Variants in SLC7A2 observed in about 807,000 individuals in gnomAD.
SLC7A2 encodes the protein solute carrier family 7 member 2, also known as cationic amino acid transporter 2.
SLC7A2 carries 48 observed loss-of-function variants against 58.9 expected under a neutral mutation model. That is an observed-to-expected ratio of 0.82 (90% CI 0.65 to 1.04). The LOEUF is 1.04. Among genes scored for constraint, SLC7A2 ranks in the 50% least tolerant of loss-of-function variants. The pLI, the probability that SLC7A2 is intolerant of heterozygous loss-of-function variation, is 0.00. For synonymous variants in SLC7A2, 363 were observed against 314.5 expected, an observed-to-expected ratio of 1.15 and a Z score of -1.63; for missense variants, 1,029 against 818.8, an observed-to-expected ratio of 1.26 and a Z score of -3.13.
At chr8:17,558,245 G>T (rs1477889425) in intron 8 of SLC7A2, 50 bp from the exon 9 acceptor site, 1 of 1,207,588 alleles carries the variant, frequency 8.3e-7, no homozygotes, top group Non-Finnish European at 1.2e-6. Context: ...TAACTGTATG[G>T]AATTTCCTCC....
Position 17,548,847 on chromosome 8 carries a change from A to C in SLC7A2, c.698+4A>C. On this transcript the variant is annotated splice_donor_region_variant and intron_variant, in intron 5 of 12. Transcript: ENST00000494857. ...AAAATATATCAGCAAGTGCCAGGTAAAATATTTGAGGTTTTTTTTTTTCTC... is the reference window on the plus strand; with the variant it reads ...AAAATATATCAGCAAGTGCCAGGTACAATATTTGAGGTTTTTTTTTTTCTC... The C allele has an allele frequency of 6.6e-7, 1 of 1,506,674 alleles. No individual in the cohort carries two copies. Among genetic ancestry groups the C allele is most frequent in the Non-Finnish European group, 8.8e-7 (1 of 1,138,506 alleles). The allele number at this position is 1,506,674 out of a possible 1,614,324, so 93.3% of individuals were successfully genotyped here.
chr8:17,515,737 C>T (rs762812188), intron 2 of SLC7A2, among the ~76,000 whole-genome samples: 5 of 152,100 alleles, frequency 3.3e-5, no homozygotes, highest in Non-Finnish European at 7.3e-5. Context: ...ACTTTTCAGC[C>T]ACAAAATAAA....
At chr8:17,511,764 A>G (rs1800614500) in intron 2 of SLC7A2, among the ~76,000 whole-genome samples, 1 of 152,178 alleles carries the variant, frequency 6.6e-6, no homozygotes, top group South Asian at 2.1e-4. Context: ...ACAATTCTAA[A>G]CAAAAACCTT....
chr8:17,518,527 T>TTCA (rs145763423), intron 2 of SLC7A2, among the ~76,000 whole-genome samples: 1,803 of 152,342 alleles, frequency 0.012, 36 homozygotes, highest in African/African-American at 0.04. Context: ...CAGCCTAGTG[T>TTCA]TCATCATGGG....
intron 2 of SLC7A2, among the ~76,000 whole-genome samples, chr8:17,542,376 C>T (rs750269892): frequency 3.9e-5 from 6 of 152,128 alleles, no homozygotes; most frequent in Non-Finnish European, 8.8e-5. Flanking sequence ...CTGGGCCAGG[C>T]ATGGTGGTTC....
intron 2 of SLC7A2, among the ~76,000 whole-genome samples, chr8:17,523,888 T>C (rs1441514395): frequency 6.6e-6 from 1 of 150,616 alleles, no homozygotes; most frequent in African/African-American, 2.4e-5. Context: ...ATATCCAGAA[T>C]CTACAAAGAA....
In SLC7A2 at chr8:17,544,622, A is replaced by T; in HGVS notation, c.532+16A>T. 1 of 1,611,896 alleles carries T rather than the reference A, an allele frequency of 6.2e-7. No homozygotes were observed. The highest frequency in any genetic ancestry group is 8.5e-7 in the Non-Finnish European group (1 of 1,178,506). On this transcript the variant is annotated intron_variant, in intron 4 of 12. Coordinates refer to ENST00000494857, the MANE Select transcript of SLC7A2 (RefSeq NM_001370338.1). Reference sequence around the variant, plus strand: ...CTTCTAGCAGGTAAGAAAACCAGTTATGAGTCTCTGCAGAATGAGCCACAC... The same window carrying T: ...CTTCTAGCAGGTAAGAAAACCAGTTTTGAGTCTCTGCAGAATGAGCCACAC...
chr8:17,540,360 T>C (rs530651012), intron 2 of SLC7A2, among the ~76,000 whole-genome samples: 1 of 152,190 alleles, frequency 6.6e-6, no homozygotes, highest in Non-Finnish European at 1.5e-5. Flanking sequence ...GTTTTTCTAA[T>C]TACTCAAAAG....
intron 2 of SLC7A2, among the ~76,000 whole-genome samples, chr8:17,533,361 A>G (rs1172543848): frequency 6.6e-6 from 1 of 152,212 alleles, no homozygotes; most frequent in Non-Finnish European, 1.5e-5. Flanking sequence ...TTTCAGCAAA[A>G]CCATAAATCT....
At chr8:17,526,947 C>T (rs1801245316) in intron 2 of SLC7A2, among the ~76,000 whole-genome samples, 2 of 152,038 alleles carry the variant, frequency 1.3e-5, no homozygotes, top group African/African-American at 4.8e-5. Context: ...ATGTGGATTT[C>T]CAGTTGGTTG....
chr8:17,500,172 TA>T (rs1350149916), intron 1 of SLC7A2: 4 of 152,208 alleles, frequency 2.6e-5, no homozygotes, highest in African/African-American at 7.2e-5. Context: ...TGTACTCTAT[TA>T]AAAAATACCA....
At chr8:17,547,457 T>C (rs2150747377) in intron 4 of SLC7A2, among the ~76,000 whole-genome samples, 1 of 152,262 alleles carries the variant, frequency 6.6e-6, no homozygotes, top group African/African-American at 2.4e-5. Flanking sequence ...AGCCAAATCA[T>C]ATAATCAATA....
intron 2 of SLC7A2, among the ~76,000 whole-genome samples, chr8:17,512,154 C>T (rs934189345): frequency 1.3e-5 from 2 of 152,012 alleles, no homozygotes; most frequent in Non-Finnish European, 2.9e-5. Flanking sequence ...GTATGTCAGG[C>T]TTTAATTCGT....
intron 2 of SLC7A2, among the ~76,000 whole-genome samples, chr8:17,522,720 A>G (rs1311252299): frequency 7.5e-6 from 1 of 132,606 alleles, no homozygotes; most frequent in Admixed American, 7.6e-5. Flanking sequence ...TTCCTTTGTG[A>G]CTTCTAGGAA....
chr8:17,562,797 G>T (rs1050374400), intron 11 of SLC7A2, among the ~76,000 whole-genome samples: 2 of 152,144 alleles, frequency 1.3e-5, no homozygotes, highest in Non-Finnish European at 2.9e-5. Flanking sequence ...TGAGTATTTT[G>T]TTTTTAGAAA....
intron 2 of SLC7A2, among the ~76,000 whole-genome samples, chr8:17,532,248 A>AAC (rs1801487599): frequency 8.3e-6 from 1 of 120,696 alleles, no homozygotes; most frequent in Non-Finnish European, 1.8e-5. Flanking sequence ...AAAAAAAAAA[A>AAC]AAAAAAAAAA....
intron 2 of SLC7A2, chr8:17,520,641 TAAAAAAAAA>T (rs61512531): frequency 6.4e-4 from 39 of 61,124 alleles, no homozygotes; most frequent in South Asian, 1.4e-3. Flanking sequence ...ACTCTGTCTT[TAAAAAAAAA>T]AAAAAAAAAA....
intron 2 of SLC7A2, among the ~76,000 whole-genome samples, chr8:17,519,130 C>G (rs1423487053): frequency 2.0e-5 from 3 of 152,136 alleles, no homozygotes; most frequent in Non-Finnish European, 2.9e-5. Flanking sequence ...TGGGGGAACA[C>G]AAATATTTTG....
chr8:17,538,844 G>T (rs753485963), intron 2 of SLC7A2: 4 of 1,613,670 alleles, frequency 2.5e-6, no homozygotes, highest in Non-Finnish European at 2.5e-6. Context: ...GAAACAAGTG[G>T]TTATAACTCA....
Sources: gnomAD v4.1 joint callset for allele counts (sites outside exome capture counted in the v4.1 genomes callset) on GRCh38, gnomAD v4.1.1 for gene constraint, MANE v1.5 for transcripts, NCBI Gene and HGNC (gene_info 2026-07-23, HGNC 2026-07-21) for gene names.